Variants in PXK observed in about 807,000 individuals in gnomAD.
The protein encoded by PXK is PX domain-containing protein kinase-like protein.
A neutral mutation model predicts 84.7 loss-of-function variants in PXK; 35 were observed. The ratio of observed to expected loss-of-function variants is 0.41; its 90% CI spans 0.32 to 0.55. The LOEUF (loss-of-function observed/expected upper bound fraction) is 0.55, where lower values mean the gene tolerates loss of function less well. PXK is among the 20% of genes least tolerant of loss of function. The pLI, the probability that PXK is intolerant of heterozygous loss-of-function variation, is 0.21. For missense variants in PXK, 634 were observed against 699.7 expected (o/e 0.91, Z 1.06); for synonymous variants, 253 against 260.8 (o/e 0.97, Z 0.29).
chr3:58,422,719 C>G (rs2062096105), intron 17 of PXK: 1 of 985,376 alleles, frequency 1.0e-6, no homozygotes. Context: ...TTGTTCTGTG[C>G]CAAGATGGCA....
intron 1 of PXK, among the ~76,000 whole-genome samples, chr3:58,335,950 G>A (rs549951138): frequency 1.0e-4 from 15 of 147,280 alleles, no homozygotes; most frequent in Non-Finnish European, 2.1e-4. Context: ...TGTGCAAAGC[G>A]TTAAACACAT....
In PXK at chr3:58,369,646, G is replaced by A. The variant is rs369616509; in HGVS notation, c.201+168G>A. Among the ~76,000 whole-genome samples the A allele has an allele frequency of 2.5e-4, 38 of 152,250 alleles. No homozygotes were observed. In the East Asian group the frequency reaches 7.1e-3, roughly 29 times the overall value. ...TTCAAGACCACCTGACCAACATGGA[G>A]AAACCCCATCTCTACTAAAAATACA... On this transcript the variant is annotated intron_variant, in intron 3 of 17. Transcript: ENST00000356151.
chr3:58,375,760 G>A (rs371250602), intron 3 of PXK, among the ~76,000 whole-genome samples: 3 of 152,102 alleles, frequency 2.0e-5, no homozygotes, highest in East Asian at 1.9e-4. Context: ...GATGGGTTCC[G>A]GCCACCTGAG....
intron 3 of PXK, among the ~76,000 whole-genome samples, chr3:58,377,596 A>ATC (rs1488392832): frequency 6.8e-6 from 1 of 147,882 alleles, no homozygotes; most frequent in African/African-American, 2.5e-5. Context: ...GTGAGACCCT[A>ATC]TCTCTTTCTA....
In PXK at chr3:58,333,342, G is replaced by A. The variant is rs1409550770; in HGVS notation, c.102+252G>A. 29 of 304,556 alleles carry A rather than the reference G, an allele frequency of 9.5e-5. No individual in the cohort carries two copies. In the Admixed American group the frequency reaches 1.1e-3, roughly 12 times the overall value. The allele number at this position is 304,556 out of a possible 1,614,324, so 18.9% of individuals were successfully genotyped here. A position where few individuals can be genotyped will look rare whatever the true frequency, so the allele number is the denominator to read the frequency against. On this transcript the variant is annotated intron_variant, in intron 1 of 17. Transcript: ENST00000356151. The surrounding 1 kb of genome is among the most constrained non-coding windows in gnomAD (Gnocchi z 5.4). ...CGGCGCCGCGGGGTGGAAGGAGCTC[G>A]GCGGCGACCAGGAAAGCGACTCCGA...
At chr3:58,369,114 A>G (rs180823475) in intron 2 of PXK, among the ~76,000 whole-genome samples, 46 of 152,214 alleles carry the variant, frequency 3.0e-4, no homozygotes, top group Admixed American at 2.9e-3. Flanking sequence ...TCATCTTTCT[A>G]GGTGCCTGGT....
At chr3:58,367,556 T>A (rs552445428) in intron 2 of PXK, among the ~76,000 whole-genome samples, 5 of 152,298 alleles carry the variant, frequency 3.3e-5, no homozygotes, top group African/African-American at 9.6e-5. Flanking sequence ...ATCAAAGTTT[T>A]ATGTGACACA....
chr3:58,342,313 T>C (rs2097750787), intron 1 of PXK, among the ~76,000 whole-genome samples: 1 of 152,060 alleles, frequency 6.6e-6, no homozygotes, highest in Non-Finnish European at 1.5e-5. Context: ...AGCCCATTCT[T>C]AGGCTTTGGA....
intron 17 of PXK, chr3:58,420,540 G>C: frequency 6.5e-7 from 1 of 1,535,956 alleles, no homozygotes; most frequent in South Asian, 1.2e-5. Flanking sequence ...TTTCAGTAGA[G>C]CATGCACCAT....
intron 1 of PXK, among the ~76,000 whole-genome samples, chr3:58,340,890 A>G (rs538148035): frequency 2.6e-5 from 4 of 152,068 alleles, no homozygotes; most frequent in East Asian, 3.9e-4. Flanking sequence ...TAGCACCCTG[A>G]GAAAGGGGGA....
intron 1 of PXK, among the ~76,000 whole-genome samples, chr3:58,337,586 C>T (rs2107663817): frequency 6.6e-6 from 1 of 152,286 alleles, no homozygotes; most frequent in Non-Finnish European, 1.5e-5. Flanking sequence ...ACTCCTGCCT[C>T]AGCCTCCTGA....
rs556511647 is a variant in PXK, at chr3:58,399,601, C to T, written c.1181+224C>T. ...TCCTTTAACATCTGTGTCATTTTCA[C>T]GTGTATCTCCTCACTCAGCGTTAGC... On this transcript the variant is annotated intron_variant, in intron 12 of 17. Transcript: ENST00000356151. The surrounding 1 kb of genome is among the most constrained non-coding windows in gnomAD (Gnocchi z 4.3). 3.1e-4 allele frequency among the ~76,000 whole-genome samples: 47 copies of T among 152,294 alleles called. No individual in the cohort carries two copies. Among genetic ancestry groups the T allele is most frequent in the Admixed American group, 2.1e-3 (32 of 15,300 alleles).
chr3:58,364,792 G>A lies in PXK; in HGVS notation c.103-1082G>A, dbSNP rs1040630987. On this transcript the variant is annotated intron_variant, in intron 1 of 17. Transcript: ENST00000356151. The surrounding 1 kb of genome is among the most constrained non-coding windows in gnomAD (Gnocchi z 4.3). ...TGGTATTTAGTGTTCCTGAGGAAGTGGTCCATTTCATCTAAGTTGTCAAAT... is the reference window on the plus strand; with the variant it reads ...TGGTATTTAGTGTTCCTGAGGAAGTAGTCCATTTCATCTAAGTTGTCAAAT... Among the ~76,000 whole-genome samples the A allele has an allele frequency of 4.6e-5, 7 of 152,036 alleles. No homozygotes were observed. The highest frequency in any genetic ancestry group is 1.5e-4 in the African/African-American group (6 of 41,372).
At chr3:58,393,831 C>T (rs1385503965) in intron 7 of PXK, among the ~76,000 whole-genome samples, 6 of 152,074 alleles carry the variant, frequency 3.9e-5, no homozygotes, top group Non-Finnish European at 8.8e-5. Flanking sequence ...TTATTCCTTC[C>T]GTATTTACTT....
chr3:58,378,505 T>TG (rs2098464085), intron 3 of PXK, among the ~76,000 whole-genome samples: 1 of 81,692 alleles, frequency 1.2e-5, no homozygotes, highest in African/African-American at 4.5e-5. Flanking sequence ...TTTTTTTTTT[T>TG]TTTTTTTTGT....
At chr3:58,357,052 A>T (rs1320431451) in intron 1 of PXK, among the ~76,000 whole-genome samples, 2 of 151,106 alleles carry the variant, frequency 1.3e-5, no homozygotes, top group Non-Finnish European at 3.0e-5. Flanking sequence ...AGGCTGAGGC[A>T]GGCAGATCAT....
In PXK at chr3:58,422,661, G is replaced by C. The variant is rs77440677; in HGVS notation, c.1529-2091G>C. On this transcript the variant is annotated intron_variant, in intron 17 of 17. Transcript: ENST00000356151. ...TTGCACTTCTAATTTTGAGGGCCTGGTAATGACGCCAAAACCAAGGGTTGG... is the reference window on the plus strand; with the variant it reads ...TTGCACTTCTAATTTTGAGGGCCTGCTAATGACGCCAAAACCAAGGGTTGG... 4.1e-3 allele frequency: 4,015 copies of C among 985,318 alleles called. 124 individuals are homozygous for C. The African/African-American group carries it at 0.064, about 16-fold the overall frequency. The allele number at this position is 985,318 out of a possible 1,614,324, so 61.0% of individuals were successfully genotyped here.
At chr3:58,350,203 T>C (rs1053187720) in intron 1 of PXK, among the ~76,000 whole-genome samples, 4 of 152,228 alleles carry the variant, frequency 2.6e-5, no homozygotes, top group African/African-American at 9.6e-5. Context: ...CTAATGTACA[T>C]TATGGGGCTT....
chr3:58,355,179 C>T (rs2098045900), intron 1 of PXK, among the ~76,000 whole-genome samples: 1 of 151,800 alleles, frequency 6.6e-6, no homozygotes, highest in Non-Finnish European at 1.5e-5. Flanking sequence ...TGCCTGTGCC[C>T]AGGCCAGACA....
Sources: gnomAD v4.1 joint callset for allele counts (sites outside exome capture counted in the v4.1 genomes callset) on GRCh38, gnomAD v4.1.1 for gene constraint, Gnocchi (gnomAD v3.1) non-coding constraint, MANE v1.5 for transcripts, NCBI Gene and HGNC (gene_info 2026-07-23, HGNC 2026-07-21) for gene names.